FBXL18: variants seen among roughly 807,000 people sequenced by gnomAD.
The protein encoded by FBXL18 is F-box/LRR-repeat protein 18.
In FBXL18, 36 loss-of-function variants were observed where a neutral mutation model predicts 46.0. The observed-to-expected ratio is 0.78, with a 90% CI of 0.60 to 1.03. The LOEUF (loss-of-function observed/expected upper bound fraction) is 1.03. FBXL18 is among the 50% of genes least tolerant of loss of function. The probability of loss-of-function intolerance (pLI) is 0.00; values close to 1 mark genes in which losing one functional copy is unlikely to be tolerated. For missense variants in FBXL18, 977 were observed against 1,004.1 expected (o/e 0.97, Z 0.36); for synonymous variants, 557 against 465.3 (o/e 1.20, Z -2.54).
rs980114478 is a variant in FBXL18 at position 5,495,242 on chromosome 7, G to A, written c.1782-3793C>T. Among the ~76,000 whole-genome samples the A allele has an allele frequency of 1.2e-4, 19 of 152,164 alleles. 1 individual carries two copies. The highest frequency in any genetic ancestry group is 4.6e-4 in the Admixed American group (7 of 15,276). ...ATGAAAGGTGCTGAGCTCACAGTGCGGGGGCTCCCATCTGGCCACCCACTG... is the reference window on the plus strand; with the variant it reads ...ATGAAAGGTGCTGAGCTCACAGTGCAGGGGCTCCCATCTGGCCACCCACTG... On this transcript the variant is annotated intron_variant, in intron 3 of 4. Coordinates refer to ENST00000382368, the MANE Select transcript of FBXL18 (RefSeq NM_024963.6).
At chr7:5,464,373 G>A (rs1380920695) in intron 4 of FBXL18, among the ~76,000 whole-genome samples, 2 of 152,056 alleles carry the variant, frequency 1.3e-5, no homozygotes, top group African/African-American at 4.8e-5. Flanking sequence ...CAGCTATTCG[G>A]GAGGCTGAGG....
chr7:5,504,564 C>T (rs1784345943), intron 2 of FBXL18, among the ~76,000 whole-genome samples: 1 of 145,868 alleles, frequency 6.9e-6, no homozygotes, highest in East Asian at 2.2e-4. Flanking sequence ...CCTCAGCCTC[C>T]CAAAGTGCTG....
chr7:5,500,460 G>T, intron 3 of FBXL18, 28 bp downstream of exon 3: 1 of 1,553,714 alleles, frequency 6.4e-7, no homozygotes, highest in Non-Finnish European at 8.7e-7. Flanking sequence ...TCCAGCAGAG[G>T]CCCGAGAGGT....
chr7:5,485,980 G>A (rs1217132428), intron 4 of FBXL18, among the ~76,000 whole-genome samples: 5 of 151,156 alleles, frequency 3.3e-5, no homozygotes, highest in Non-Finnish European at 7.4e-5. Flanking sequence ...AATTGCTTGA[G>A]CCCAGGAAGC....
chr7:5,501,674 G>C lies in FBXL18; in HGVS notation c.595C>G (p.Leu199Val). 6.2e-7 allele frequency: 1 copy of C among 1,608,984 alleles called. No homozygotes were observed. The highest frequency in any genetic ancestry group is 8.5e-7 in the Non-Finnish European group (1 of 1,177,366). Residue 199 changes from leucine to valine, a missense_variant, in exon 3 of 5, where the codon CTC (leucine) becomes GTC (valine). Transcript: ENST00000382368. ...GTGCGGTCCAGAATCTCGAAGTAGAGCAGCAGCTTCTCTAGGCTGGTGCAG... is the reference window on the plus strand; with the variant it reads ...GTGCGGTCCAGAATCTCGAAGTAGACCAGCAGCTTCTCTAGGCTGGTGCAG... ...PCCTSLEKLL[L>V]YFEILDRTRE... is the part of the protein sequence containing the mutation.
intron 2 of FBXL18, 71 bp downstream of exon 2, chr7:5,505,341 C>A (rs1784367021): frequency 2.2e-6 from 3 of 1,391,492 alleles, no homozygotes; most frequent in Non-Finnish European, 3.0e-6. Context: ...GGTTCCACTG[C>A]AGGGCTGTGC....
At chr7:5,486,416 TC>T (rs1044697199) in intron 4 of FBXL18, among the ~76,000 whole-genome samples, 13 of 148,998 alleles carry the variant, frequency 8.7e-5, no homozygotes, top group Admixed American at 8.7e-4. Context: ...AAACTCTGTT[TC>T]AAAAAAAAAC....
chr7:5,495,685 C>T (rs557504165), intron 3 of FBXL18: 4 of 339,520 alleles, frequency 1.2e-5, no homozygotes, highest in African/African-American at 2.2e-5. Context: ...CTCGGAGCAT[C>T]GTGCCAGCCT....
chr7:5,481,596 A>T lies in FBXL18; in HGVS notation c.*179T>A. ...AACGCATCCCCTCGACCTAAACTTC[A>T]CAGAGCAACAGTCCCCATGAGAGAG... On this transcript the variant is annotated 3_prime_UTR_variant, in exon 5 of 5. Coordinates refer to ENST00000382368, the MANE Select transcript of FBXL18 (RefSeq NM_024963.6). 1.5e-6 allele frequency: 1 copy of T among 664,764 alleles called. No individual in the cohort carries two copies. The highest frequency in any genetic ancestry group is 2.6e-6 in the Non-Finnish European group (1 of 385,884). 41.2% of individuals were successfully genotyped at this position (664,764 alleles called of 1,614,324 possible). A position where few individuals can be genotyped will look rare whatever the true frequency, so the allele number is the denominator to read the frequency against.
chr7:5,483,818 C>T (rs966789187), intron 4 of FBXL18, among the ~76,000 whole-genome samples: 5 of 152,210 alleles, frequency 3.3e-5, no homozygotes, highest in Non-Finnish European at 5.9e-5. Flanking sequence ...GAGTTACCCA[C>T]GACAAAGAAC....
rs771958263 is a variant in FBXL18, at chr7:5,500,973, G to A, written c.1296C>T (p.Ala432=). The A allele has an allele frequency of 3.3e-5, 50 of 1,536,722 alleles. No individual in the cohort carries two copies. The highest frequency in any genetic ancestry group is 1.7e-4 in the Middle Eastern group (1 of 5,774). The change falls in exon 3 of 5, where the codon GCC becomes GCT. Residue 432 remains alanine (A), a synonymous_variant. Coordinates refer to ENST00000382368, the MANE Select transcript of FBXL18 (RefSeq NM_024963.6). ...VCSVADSAPR[A]DRAPAQPAMH... is the part of the protein sequence containing the mutation. ...TGGCCGGCTGGGCGGGCGCGCGGTC[G>A]GCGCGCGGCGCGGAGTCAGCGACAG...
rs56290058 is a variant in FBXL18 at position 5,496,479 on chromosome 7, T to TGGCTAAA, written c.1781+4002_1781+4008dup. Among the ~76,000 whole-genome samples, 71,371 of 151,364 alleles carry TGGCTAAA rather than the reference T, an allele frequency of 0.47. 17,038 individuals carry two copies. Among genetic ancestry groups the TGGCTAAA allele is most frequent in the East Asian group, 0.69 (3,520 of 5,074 alleles). On this transcript the variant is annotated intron_variant, in intron 3 of 4. Transcript: ENST00000382368. This position sits in a 1 kb window ranked among gnomAD's most constrained non-coding sequence, Gnocchi z 4.8. Reference sequence around the variant, plus strand: ...CCGTGGGCTCACCTGGATCCATAGGTGGCTAAAGGCCACCTATGAGCTGAG... The same window carrying TGGCTAAA: ...CCGTGGGCTCACCTGGATCCATAGGTGGCTAAAGGCTAAAGGCCACCTATGAGCTGAG...
In FBXL18 at chr7:5,455,816, G is replaced by C. The variant is rs1783165156; in HGVS notation, c.2001-7973C>G. Among the ~76,000 whole-genome samples the C allele has an allele frequency of 6.7e-6, 1 of 150,328 alleles. No homozygotes were observed. Among genetic ancestry groups the C allele is most frequent in the African/African-American group, 2.5e-5 (1 of 40,422 alleles). ...TTCCATGGCGCCAGGAGAGAGTTTGGTCCTTCAGCAAGATCACACTCTTCT... is the reference window on the plus strand; with the variant it reads ...TTCCATGGCGCCAGGAGAGAGTTTGCTCCTTCAGCAAGATCACACTCTTCT... On this transcript the variant is annotated intron_variant and NMD_transcript_variant, in intron 4 of 6. Transcript: ENST00000415009. The surrounding 1 kb of genome is among the most constrained non-coding windows in gnomAD (Gnocchi z 4.6).
chr7:5,511,446 T>C (rs1454225456), intron 1 of FBXL18, among the ~76,000 whole-genome samples: 1 of 151,870 alleles, frequency 6.6e-6, no homozygotes, highest in Non-Finnish European at 1.5e-5. Context: ...GTATTTTTTT[T>C]ACAAAAATAC....
Position 5,501,969 on chromosome 7 carries a change from G to A in FBXL18, c.300C>T (p.Ser100=), listed in dbSNP as rs1784278721. The A allele has an allele frequency of 6.2e-7, 1 of 1,608,066 alleles. No homozygotes were observed. The highest frequency in any genetic ancestry group is 8.5e-7 in the Non-Finnish European group (1 of 1,177,972). Reference sequence around the variant, plus strand: ...CAGGCAGCCAGTAGCAGCCAGCCATGCTCAGCTGCTGGATCTCCCGGCCGA... The same window carrying A: ...CAGGCAGCCAGTAGCAGCCAGCCATACTCAGCTGCTGGATCTCCCGGCCGA... ...KEIGREIQQL[S]MAGCYWLPGS... Residue 100 remains serine (S), a synonymous_variant, in exon 3 of 5, where the codon AGC becomes AGT. Transcript: ENST00000382368.
At chr7:5,468,186 T>C (rs1256647301) in intron 4 of FBXL18, among the ~76,000 whole-genome samples, 1 of 152,086 alleles carries the variant, frequency 6.6e-6, no homozygotes, top group Non-Finnish European at 1.5e-5. Context: ...GGTTTCACCG[T>C]GTTAGCCAGG....
At chr7:5,466,312 G>C (rs1406326538) in intron 4 of FBXL18, among the ~76,000 whole-genome samples, 5 of 152,188 alleles carry the variant, frequency 3.3e-5, no homozygotes, top group Admixed American at 6.6e-5. Context: ...AGAAGTCCGA[G>C]ATAGGTCTCC....
chr7:5,474,130 C>A (rs1219119363), downstream of FBXL18, among the ~76,000 whole-genome samples: 1 of 152,018 alleles, frequency 6.6e-6, no homozygotes, highest in Admixed American at 6.6e-5. Flanking sequence ...CCAGAGGAGT[C>A]AAACTCATAG....
chr7:5,469,725 G>A (rs1264816932), intron 4 of FBXL18, among the ~76,000 whole-genome samples: 1 of 152,092 alleles, frequency 6.6e-6, no homozygotes, highest in Non-Finnish European at 1.5e-5. Context: ...TAGAGTGCGT[G>A]TGGGGTGAGC....
Sources: allele counts gnomAD v4.1 joint callset (sites outside exome capture counted in the v4.1 genomes callset), GRCh38; gene constraint gnomAD v4.1.1; non-coding constraint Gnocchi (gnomAD v3.1); transcripts MANE v1.5; gene names NCBI Gene and HGNC (gene_info 2026-07-23, HGNC 2026-07-21).